CDC42BPA: variants seen among roughly 807,000 people sequenced by gnomAD.
CDC42BPA encodes the protein CDC42 binding protein kinase alpha.
Under a neutral mutation model 223.5 loss-of-function variants are expected in CDC42BPA, and 80 were observed. That is an observed-to-expected ratio of 0.36 (90% confidence interval 0.30 to 0.43). The LOEUF (loss-of-function observed/expected upper bound fraction) is 0.43. CDC42BPA is among the 20% of genes least tolerant of loss of function. The probability of loss-of-function intolerance (pLI) is 1.00; values close to 1 mark genes in which losing one functional copy is unlikely to be tolerated. For synonymous variants in CDC42BPA, 694 were observed against 718.6 expected (o/e 0.97, Z 0.55); for missense variants, 1,743 against 2,099.9 (o/e 0.83, Z 3.32).
rs1675216973 is a variant in CDC42BPA, at chr1:227,059,027, C to T, written c.2905-7042G>A. ...ATTAAAATCTCTAAGAAACAATCTA[C>T]ATACTTGCTTACAAAAGATTCTTAG... On this transcript the variant is annotated intron_variant, in intron 21 of 36. Coordinates refer to ENST00000366766, the MANE Select transcript of CDC42BPA (RefSeq NM_001394014.1). Among the ~76,000 whole-genome samples the T allele has an allele frequency of 2.0e-5, 3 of 152,050 alleles. 1 individual carries two copies. Among genetic ancestry groups the T allele is most frequent in the Non-Finnish European group, 4.4e-5 (3 of 68,016 alleles).
At chr1:227,179,659 A>AAAAAG (rs1216438998) in intron 5 of CDC42BPA, among the ~76,000 whole-genome samples, 12 of 146,914 alleles carry the variant, frequency 8.2e-5, no homozygotes, top group African/African-American at 3.2e-4. Context: ...AAAAAAAAAA[A>AAAAAG]AGCTATTTTA....
chr1:227,072,232 T>C lies in CDC42BPA; in HGVS notation c.2803A>G (p.Thr935Ala). Residue 935 changes from threonine (T) to alanine (A), a missense_variant, in exon 20 of 37, where the codon ACT becomes GCT. Transcript: ENST00000366766. Reference protein sequence around the residue: ...LSEIEQLIKDTEELRSEKGIE... With the variant: ...LSEIEQLIKDAEELRSEKGIE... ...CCCTTTTCAGATCTAAGCTCTTCAG[T>C]GTCCTTTATCAGCTGTTCGATTTCT... The C allele has an allele frequency of 6.2e-7, 1 of 1,606,320 alleles. No individual in the cohort carries two copies. Among genetic ancestry groups the C allele is most frequent in the Non-Finnish European group, 8.5e-7 (1 of 1,173,650 alleles).
At chr1:227,238,389 C>T (rs1679456926) in intron 2 of CDC42BPA, among the ~76,000 whole-genome samples, 1 of 151,910 alleles carries the variant, frequency 6.6e-6, no homozygotes, top group African/African-American at 2.4e-5. Flanking sequence ...AACCAGGTTT[C>T]AGCAAACCAT....
chr1:227,298,145 T>TCA (rs1199260845), intron 1 of CDC42BPA, among the ~76,000 whole-genome samples: 1 of 151,706 alleles, frequency 6.6e-6, no homozygotes, highest in Admixed American at 6.6e-5. Context: ...GGTAAAAATT[T>TCA]CACACATATG....
chr1:227,089,921 T>G (rs1682768671), intron 16 of CDC42BPA, among the ~76,000 whole-genome samples: 1 of 152,202 alleles, frequency 6.6e-6, no homozygotes, highest in African/African-American at 2.4e-5. Flanking sequence ...ATAACATCTT[T>G]TAGTAGGTAA....
intron 2 of CDC42BPA, among the ~76,000 whole-genome samples, chr1:227,243,041 A>G (rs12403986): frequency 0.15 from 22,803 of 152,184 alleles, 2,075 homozygotes; most frequent in African/African-American, 0.24. Flanking sequence ...ATGGAGCCGG[A>G]GGCCATTATG....
intron 9 of CDC42BPA, among the ~76,000 whole-genome samples, chr1:227,142,344 T>C (rs1391595121): frequency 2.0e-5 from 3 of 152,128 alleles, no homozygotes; most frequent in Non-Finnish European, 4.4e-5. Flanking sequence ...GGTTGAAAGT[T>C]CTCCTGCTTG....
At chr1:227,073,609 G>A (rs1461845726) in intron 19 of CDC42BPA, among the ~76,000 whole-genome samples, 1 of 151,994 alleles carries the variant, frequency 6.6e-6, no homozygotes, top group African/African-American at 2.4e-5. Flanking sequence ...ATTTTATGAG[G>A]AAAATTAAAT....
intron 11 of CDC42BPA, among the ~76,000 whole-genome samples, chr1:227,122,288 ACTTT>A (rs981156198): frequency 5.9e-5 from 9 of 152,196 alleles, no homozygotes; most frequent in African/African-American, 2.2e-4. Context: ...TTCTGAGCAC[ACTTT>A]CTTTCTTCTA....
At chr1:227,267,805 G>A (rs1685249090) in intron 1 of CDC42BPA, among the ~76,000 whole-genome samples, 1 of 152,098 alleles carries the variant, frequency 6.6e-6, no homozygotes, top group South Asian at 2.1e-4. Context: ...AAAACAGCAT[G>A]GGGGAAATTG....
intron 31 of CDC42BPA, among the ~76,000 whole-genome samples, chr1:227,023,837 G>A (rs1667798132): frequency 1.3e-5 from 2 of 152,128 alleles, no homozygotes; most frequent in South Asian, 4.1e-4. Flanking sequence ...AATAGGCTAA[G>A]CTTTACAATG....
At chr1:227,050,607 T>G (rs79773617) in intron 22 of CDC42BPA, among the ~76,000 whole-genome samples, 7,601 of 152,120 alleles carry the variant, frequency 0.05, 243 homozygotes, top group Non-Finnish European at 0.072. Context: ...ACAGTTATAA[T>G]GAATGAACTA....
intron 15 of CDC42BPA, among the ~76,000 whole-genome samples, chr1:227,094,384 C>CTATA (rs1445644333): frequency 1.3e-5 from 2 of 152,268 alleles, no homozygotes; most frequent in East Asian, 3.9e-4. Context: ...GACTCACACG[C>CTATA]TATAGTTCAA....
Position 227,236,472 on chromosome 1 carries a change from A to T in CDC42BPA, c.270+17592T>A, listed in dbSNP as rs3127001. Reference sequence around the variant, plus strand: ...ATTCAAAGTTTTTGTATTTCCTCATACAAGTTCCATCTATCAAGTGTTAGT... The same window carrying T: ...ATTCAAAGTTTTTGTATTTCCTCATTCAAGTTCCATCTATCAAGTGTTAGT... On this transcript the variant is annotated intron_variant, in intron 2 of 36. Transcript: ENST00000366766. Among the ~76,000 whole-genome samples, 3 of 152,098 alleles carry T rather than the reference A, an allele frequency of 2.0e-5. No homozygotes were observed. In the East Asian group the frequency reaches 5.8e-4, roughly 29 times the overall value.
At chr1:227,289,913 TG>T (rs1689425584) in intron 1 of CDC42BPA, among the ~76,000 whole-genome samples, 1 of 143,510 alleles carries the variant, frequency 7.0e-6, no homozygotes, top group Non-Finnish European at 1.5e-5. Flanking sequence ...AAGCTAGGCA[TG>T]GTGGTGTGCA....
chr1:227,065,083 C>T (rs962315898), intron 21 of CDC42BPA, among the ~76,000 whole-genome samples: 3 of 134,914 alleles, frequency 2.2e-5, no homozygotes, highest in Admixed American at 7.2e-5. Flanking sequence ...TGTGAGAGAG[C>T]GAGACTCCAT....
chr1:227,268,627 G>T (rs1193322677), intron 1 of CDC42BPA, among the ~76,000 whole-genome samples: 2 of 133,146 alleles, frequency 1.5e-5, no homozygotes, highest in African/African-American at 2.9e-5. Context: ...TATATATATA[G>T]TATGTGTATA....
At chr1:227,052,641 G>C (rs1293074984) in intron 21 of CDC42BPA, among the ~76,000 whole-genome samples, 2 of 152,062 alleles carry the variant, frequency 1.3e-5, no homozygotes, top group Non-Finnish European at 2.9e-5. Flanking sequence ...AGAGTTACTA[G>C]GATTGAGTTT....
chr1:227,122,620 A>G (rs1297126595), intron 11 of CDC42BPA, among the ~76,000 whole-genome samples: 1 of 152,248 alleles, frequency 6.6e-6, no homozygotes, highest in Non-Finnish European at 1.5e-5. Flanking sequence ...AAAAAAGCTC[A>G]AAACATTCAT....
Sources: allele counts gnomAD v4.1 joint callset (sites outside exome capture counted in the v4.1 genomes callset), GRCh38; gene constraint gnomAD v4.1.1; transcripts MANE v1.5; gene names NCBI Gene and HGNC (gene_info 2026-07-23, HGNC 2026-07-21).